The following GULP1 variants were observed in gnomAD, a reference collection of about 807,000 sequenced individuals.
GULP1 encodes the protein GULP PTB domain containing engulfment adaptor 1.
GULP1 carries 19 observed loss-of-function variants against 40.9 expected under a neutral mutation model. The ratio of observed to expected loss-of-function variants is 0.46; its 90% CI spans 0.32 to 0.68. GULP1 has a LOEUF of 0.68. Among genes scored for constraint, GULP1 ranks in the 30% least tolerant of loss-of-function variants. The pLI is 0.03. For synonymous variants in GULP1, 119 were observed against 117.6 expected, an observed-to-expected ratio of 1.01 and a Z score of -0.08; for missense variants, 312 against 362.2, an observed-to-expected ratio of 0.86 and a Z score of 1.12.
intron 7 of GULP1, among the ~76,000 whole-genome samples, chr2:188,546,393 A>G (rs57246854): frequency 0.021 from 3,255 of 152,178 alleles, 107 homozygotes; most frequent in African/African-American, 0.074. Flanking sequence ...AAGGAAATCA[A>G]TCTAAAGATC....
intron 2 of GULP1, among the ~76,000 whole-genome samples, chr2:188,418,010 T>C (rs543082669): frequency 6.6e-6 from 1 of 152,066 alleles, no homozygotes; most frequent in African/African-American, 2.4e-5. Context: ...GACAGAGTTT[T>C]GCTATGTTAT....
intron 1 of GULP1, among the ~76,000 whole-genome samples, chr2:188,366,836 T>G (rs2046869037): frequency 6.6e-6 from 1 of 152,072 alleles, no homozygotes; most frequent in South Asian, 2.1e-4. Flanking sequence ...CTCATGATCC[T>G]CCCGACTCGG....
intron 2 of GULP1, among the ~76,000 whole-genome samples, chr2:188,437,764 CT>C (rs547653864): frequency 8.9e-4 from 136 of 152,202 alleles, no homozygotes; most frequent in African/African-American, 3.2e-3. Flanking sequence ...AAGATCATGT[CT>C]TTTGGGGGAA....
chr2:188,455,771 T>A (rs1227180143), intron 2 of GULP1, among the ~76,000 whole-genome samples: 1 of 151,920 alleles, frequency 6.6e-6, no homozygotes, highest in Non-Finnish European at 1.5e-5. Flanking sequence ...GTTGGAACAG[T>A]TTGGAGGGCT....
At chr2:188,375,939 C>T (rs1279700368) in intron 1 of GULP1, among the ~76,000 whole-genome samples, 1 of 152,034 alleles carries the variant, frequency 6.6e-6, no homozygotes, top group Non-Finnish European at 1.5e-5. Context: ...TGTGCATACT[C>T]AAGTAAGGCT....
intron 9 of GULP1, among the ~76,000 whole-genome samples, chr2:188,572,647 C>T (rs1237228166): frequency 2.6e-5 from 4 of 152,064 alleles, no homozygotes; most frequent in Non-Finnish European, 5.9e-5. Flanking sequence ...GGCTTTTTAG[C>T]TCTTAAAATC....
chr2:188,324,191 A>C (rs2040426073), intron 1 of GULP1, among the ~76,000 whole-genome samples: 1 of 152,106 alleles, frequency 6.6e-6, no homozygotes, highest in Admixed American at 6.6e-5. Flanking sequence ...CAGAACCCTC[A>C]TGCTACTCAT....
intron 11 of GULP1, chr2:188,590,890 C>CT (rs1259159479): frequency 1.3e-5 from 2 of 152,058 alleles, no homozygotes; most frequent in Non-Finnish European, 2.9e-5. Context: ...ACTGCTGAAA[C>CT]TTACAGCAAA....
intron 1 of GULP1, among the ~76,000 whole-genome samples, chr2:188,294,721 CTA>C (rs2034555325): frequency 6.6e-6 from 1 of 152,172 alleles, no homozygotes; most frequent in Non-Finnish European, 1.5e-5. Context: ...TTTTCCCTGA[CTA>C]TGATTTCAGT....
At chr2:188,426,594 C>G (rs2056229694) in intron 2 of GULP1, among the ~76,000 whole-genome samples, 1 of 152,112 alleles carries the variant, frequency 6.6e-6, no homozygotes, top group African/African-American at 2.4e-5. Flanking sequence ...TTATGTGATG[C>G]TATACCAGAG....
intron 1 of GULP1, among the ~76,000 whole-genome samples, chr2:188,294,886 A>T (rs535784322): frequency 6.6e-6 from 1 of 152,358 alleles, no homozygotes; most frequent in East Asian, 1.9e-4. Context: ...GGGATAAAAT[A>T]GGAATACTTC....
chr2:188,435,825 T>G (rs180776326), intron 2 of GULP1, among the ~76,000 whole-genome samples: 238 of 152,196 alleles, frequency 1.6e-3, no homozygotes, highest in South Asian at 7.9e-3. Flanking sequence ...TAGTCTCTAA[T>G]GTTAGGCAAA....
chr2:188,383,296 C>A (rs994454825), intron 1 of GULP1, among the ~76,000 whole-genome samples: 1 of 152,210 alleles, frequency 6.6e-6, no homozygotes, highest in African/African-American at 2.4e-5. Flanking sequence ...GAAGGATAAG[C>A]TATCTAAATG....
intron 1 of GULP1, among the ~76,000 whole-genome samples, chr2:188,361,046 T>C (rs192556185): frequency 5.3e-5 from 8 of 152,244 alleles, no homozygotes; most frequent in South Asian, 2.1e-4. Context: ...GTCACTGCAT[T>C]GCGTAATATT....
At chr2:188,388,411 T>G (rs1574932967) in intron 2 of GULP1, among the ~76,000 whole-genome samples, 1 of 145,394 alleles carries the variant, frequency 6.9e-6, no homozygotes, top group African/African-American at 2.5e-5. Context: ...GACAGGATGG[T>G]GTATACTTGT....
At chr2:188,399,082 A>G (rs2051714173) in intron 2 of GULP1, among the ~76,000 whole-genome samples, 1 of 152,248 alleles carries the variant, frequency 6.6e-6, no homozygotes, top group Non-Finnish European at 1.5e-5. Context: ...TACTAATCAC[A>G]TCTACATTTG....
intron 7 of GULP1, among the ~76,000 whole-genome samples, chr2:188,544,013 A>G (rs571874347): frequency 5.3e-5 from 8 of 152,190 alleles, no homozygotes; most frequent in African/African-American, 9.6e-5. Context: ...AACCCTGCCA[A>G]ATTAGAATGC....
chr2:188,529,036 A>G, intron 5 of GULP1, 61 bp from the exon 6 acceptor site: 1 of 810,596 alleles, frequency 1.2e-6, no homozygotes, highest in Non-Finnish European at 2.0e-6. Context: ...ATGTATATTT[A>G]TTTTTGTTCA....
intron 1 of GULP1, among the ~76,000 whole-genome samples, chr2:188,330,055 C>CG (rs1286669430): frequency 1.3e-5 from 2 of 151,966 alleles, no homozygotes; most frequent in Non-Finnish European, 2.9e-5. Context: ...ATTGAGGAGT[C>CG]GTCATCATAT....
Sources: allele counts gnomAD v4.1 joint callset (sites outside exome capture counted in the v4.1 genomes callset), GRCh38; gene constraint gnomAD v4.1.1; transcripts MANE v1.5; gene names NCBI Gene and HGNC (gene_info 2026-07-23, HGNC 2026-07-21).